The following CEP112 variants were observed in gnomAD, a reference collection of about 807,000 sequenced individuals.
The protein encoded by CEP112 is centrosomal protein of 112 kDa.
In CEP112, 127 loss-of-function variants were observed where a neutral mutation model predicts 153.0. The ratio of observed to expected loss-of-function variants is 0.83; its 90% confidence interval spans 0.72 to 0.96. The LOEUF (loss-of-function observed/expected upper bound fraction) is 0.96. Among genes scored for constraint, CEP112 ranks in the 40% least tolerant of loss-of-function variants. The probability of loss-of-function intolerance (pLI) is 0.00; values close to 1 mark genes in which losing one functional copy is unlikely to be tolerated. For missense variants in CEP112, 1,089 were observed against 1,101.2 expected, an observed-to-expected ratio of 0.99 and a Z score of 0.16; for synonymous variants, 358 against 374.4, an observed-to-expected ratio of 0.96 and a Z score of 0.51.
intron 18 of CEP112, among the ~76,000 whole-genome samples, chr17:65,960,439 T>C (rs1410465208): frequency 2.0e-5 from 3 of 152,134 alleles, no homozygotes; most frequent in Non-Finnish European, 4.4e-5. Flanking sequence ...TGTATGCATA[T>C]AAAATAAACT....
chr17:65,851,836 G>A lies in CEP112; in HGVS notation c.2362C>T (p.His788Tyr). The A allele has an allele frequency of 6.2e-7, 1 of 1,613,812 alleles. No individual in the cohort carries two copies. The highest frequency in any genetic ancestry group is 8.5e-7 in the Non-Finnish European group (1 of 1,179,858). Residue 788 changes from histidine (H) to tyrosine (Y), a missense_variant, in exon 21 of 27, where the codon CAT (histidine) becomes TAT (tyrosine). His to Tyr is a moderately conservative substitution (Grantham distance 83, BLOSUM62 2). Transcript: ENST00000535342. ...AGTGTCATCTCTGTCTCAGCAGCAT[G>A]AGTCTTTTTCAGCTCTATTTTCATC... ...EKMKIELKKT[H>Y]AAETEMTLEK...
At chr17:65,693,382 G>A (rs1025881691) in intron 23 of CEP112, among the ~76,000 whole-genome samples, 1 of 151,944 alleles carries the variant, frequency 6.6e-6, no homozygotes, top group Admixed American at 6.6e-5. Flanking sequence ...GAAGCATTTG[G>A]CCCTATTCAC....
intron 20 of CEP112, among the ~76,000 whole-genome samples, chr17:65,896,744 T>A (rs1036214966): frequency 2.6e-5 from 4 of 152,008 alleles, no homozygotes; most frequent in African/African-American, 7.2e-5. Flanking sequence ...CACACTTTTT[T>A]AAATGGCCTA....
chr17:66,022,481 G>A (rs1255822046), intron 16 of CEP112, among the ~76,000 whole-genome samples: 1 of 151,974 alleles, frequency 6.6e-6, no homozygotes, highest in African/African-American at 2.4e-5. Flanking sequence ...GGCTGAGGTG[G>A]GCAGATCACA....
intron 8 of CEP112, among the ~76,000 whole-genome samples, chr17:66,087,871 C>T (rs2067998151): frequency 6.6e-6 from 1 of 152,012 alleles, no homozygotes; most frequent in African/African-American, 2.4e-5. Flanking sequence ...TACCTCAGAC[C>T]TCAATACCAG....
At chr17:65,768,052 C>G (rs530823983) in intron 21 of CEP112, among the ~76,000 whole-genome samples, 38 of 152,166 alleles carry the variant, frequency 2.5e-4, no homozygotes, top group African/African-American at 9.6e-5. Flanking sequence ...TGACCACCCC[C>G]CAAATGCAGT....
chr17:65,870,558 T>C (rs2058640850), intron 20 of CEP112, among the ~76,000 whole-genome samples: 2 of 152,174 alleles, frequency 1.3e-5, no homozygotes, highest in African/African-American at 4.8e-5. Context: ...AGTAGAAACA[T>C]TCCAGTTGAG....
intron 1 of CEP112, among the ~76,000 whole-genome samples, chr17:66,184,116 G>A (rs1449127266): frequency 6.6e-6 from 1 of 152,104 alleles, no homozygotes; most frequent in Non-Finnish European, 1.5e-5. Context: ...AATTAGCCAG[G>A]TGTAGTGGCA....
intron 6 of CEP112, among the ~76,000 whole-genome samples, chr17:66,126,777 A>C (rs1022155648): frequency 4.6e-5 from 7 of 152,194 alleles, no homozygotes; most frequent in Admixed American, 2.0e-4. Context: ...TTTTTAACAA[A>C]AGCTAGAAAA....
At chr17:65,899,878 C>T (rs1038783139) in intron 20 of CEP112, among the ~76,000 whole-genome samples, 4 of 152,226 alleles carry the variant, frequency 2.6e-5, no homozygotes, top group Middle Eastern at 3.4e-3. Flanking sequence ...ATATTTAATA[C>T]GTTTGTTCTG....
intron 23 of CEP112, among the ~76,000 whole-genome samples, chr17:65,704,966 T>C (rs1016976736): frequency 6.6e-6 from 1 of 152,220 alleles, no homozygotes; most frequent in Non-Finnish European, 1.5e-5. Context: ...TCCCTCCTAG[T>C]TATTAAAGCT....
At chr17:66,075,645 T>G (rs1047861976) in intron 8 of CEP112, among the ~76,000 whole-genome samples, 2 of 152,172 alleles carry the variant, frequency 1.3e-5, no homozygotes, top group African/African-American at 2.4e-5. Flanking sequence ...TATAAGAGAC[T>G]GTTAAAAAAT....
chr17:66,129,874 AATAAAAGGAAAAGATGGAAGAG>A, intron 5 of CEP112, 51 bp from the exon 6 acceptor site: 1 of 1,168,698 alleles, frequency 8.6e-7, no homozygotes. Context: ...AGATGGAAGA[AATAAAAGGAAAAGATGGAAGAG>A]ATAAAAGAGG....
Position 65,961,574 on chromosome 17 carries a change from A to G in CEP112, c.1761T>C (p.Arg587=), listed in dbSNP as rs369647944. Residue 587 remains arginine (R), a synonymous_variant, in exon 18 of 27, where the codon CGT becomes CGC. Transcript: ENST00000535342. ...ALKEKEEQLT[R]VTEVQRLQAQ... is the part of the protein sequence containing the mutation. Reference sequence around the variant, plus strand: ...CCTGCAACCTCTGAACTTCAGTCACACGAGTTAGCTGCTCCTCTTTTTCCC... The same window carrying G: ...CCTGCAACCTCTGAACTTCAGTCACGCGAGTTAGCTGCTCCTCTTTTTCCC... 6.2e-7 allele frequency: 1 copy of G among 1,612,546 alleles called. No individual in the cohort carries two copies. The highest frequency in any genetic ancestry group is 1.1e-5 in the South Asian group (1 of 90,972).
chr17:65,764,913 T>A (rs2145433258), intron 21 of CEP112, among the ~76,000 whole-genome samples: 1 of 142,010 alleles, frequency 7.0e-6, no homozygotes, highest in Admixed American at 7.3e-5. Context: ...TTTCTTTATT[T>A]TTTTGTGTAT....
At chr17:65,751,873 G>T (rs557420460) in intron 21 of CEP112, among the ~76,000 whole-genome samples, 13 of 152,254 alleles carry the variant, frequency 8.5e-5, no homozygotes, top group African/African-American at 3.1e-4. Context: ...ATGAAGCCAG[G>T]ACACAAACTC....
intron 20 of CEP112, among the ~76,000 whole-genome samples, chr17:65,859,210 G>A (rs1474360264): frequency 1.3e-5 from 2 of 151,606 alleles, no homozygotes; most frequent in East Asian, 2.0e-4. Context: ...TTGAGAGGCC[G>A]AGGCGGGCAG....
chr17:66,109,110 A>G (rs1466364766), intron 6 of CEP112, among the ~76,000 whole-genome samples: 3 of 152,082 alleles, frequency 2.0e-5, no homozygotes, highest in Non-Finnish European at 4.4e-5. Flanking sequence ...TGGTTCACAG[A>G]GGTTGGGAAG....
chr17:65,811,216 T>G (rs1455546784), intron 21 of CEP112, among the ~76,000 whole-genome samples: 4 of 152,144 alleles, frequency 2.6e-5, no homozygotes, highest in Admixed American at 2.6e-4. Context: ...GGATTGCCAA[T>G]GAGGAAGGTA....
Sources: allele counts gnomAD v4.1 joint callset (sites outside exome capture counted in the v4.1 genomes callset), GRCh38; gene constraint gnomAD v4.1.1; transcripts MANE v1.5; gene names NCBI Gene and HGNC (gene_info 2026-07-23, HGNC 2026-07-21).